Variants in APLP2 observed in about 807,000 individuals in gnomAD.
APLP2 encodes the protein amyloid beta precursor like protein 2.
APLP2 carries 53 observed loss-of-function variants against 89.9 expected under a neutral mutation model. The observed-to-expected ratio is 0.59, with a 90% CI of 0.47 to 0.74. APLP2 has a LOEUF of 0.74. APLP2 is among the 30% of genes least tolerant of loss of function. The pLI is 0.00. For synonymous variants in APLP2, 372 were observed against 348.6 expected (o/e 1.07, Z -0.75); for missense variants, 973 against 975.9 (o/e 1.00, Z 0.04).
chr11:130,095,464 A>G (rs1946070493), intron 1 of APLP2, among the ~76,000 whole-genome samples: 1 of 152,234 alleles, frequency 6.6e-6, no homozygotes, highest in Admixed American at 6.5e-5. Flanking sequence ...AGAATTAAAA[A>G]CATTGGAGGA....
chr11:130,111,542 G>A (rs992515792), intron 3 of APLP2, among the ~76,000 whole-genome samples: 1 of 152,184 alleles, frequency 6.6e-6, no homozygotes, highest in African/African-American at 2.4e-5. Context: ...TCTGATGGCA[G>A]CAAAATGGAA....
intron 3 of APLP2, among the ~76,000 whole-genome samples, chr11:130,119,496 C>CCAT (rs1279176221): frequency 6.6e-6 from 1 of 152,222 alleles, no homozygotes; most frequent in South Asian, 2.1e-4. Context: ...TTTGTAACCA[C>CCAT]CATCAGTTCA....
At chr11:130,131,732 T>C (rs1950957860) in intron 11 of APLP2, among the ~76,000 whole-genome samples, 1 of 152,210 alleles carries the variant, frequency 6.6e-6, no homozygotes, top group Non-Finnish European at 1.5e-5. Flanking sequence ...GCCAGTTTTG[T>C]GTGAGAGTAG....
At chr11:130,081,629 C>G (rs1943168459) in intron 1 of APLP2, among the ~76,000 whole-genome samples, 1 of 152,042 alleles carries the variant, frequency 6.6e-6, no homozygotes, top group Non-Finnish European at 1.5e-5. Flanking sequence ...GGGTGTTTTC[C>G]CCCCTAAAAC....
Position 130,069,916 on chromosome 11 carries a change from G to A in APLP2, c.-62G>A. On this transcript the variant is annotated 5_prime_UTR_variant, in exon 1 of 17. Coordinates refer to ENST00000338167, the MANE Select transcript of APLP2 (RefSeq NM_001142276.2). ...TTTAGATGCTTCTGGGTCGCGGTGT[G>A]CTAAGCGAGGAGTCCGAGTGTGTGA... 7 of 1,287,844 alleles carry A rather than the reference G, an allele frequency of 5.4e-6. No homozygotes were observed. The highest frequency in any genetic ancestry group is 7.4e-6 in the Non-Finnish European group (7 of 942,798). The allele number at this position is 1,287,844 out of a possible 1,614,324, so 79.8% of individuals were successfully genotyped here.
Position 130,121,798 on chromosome 11 carries a change from A to G in APLP2, c.701A>G (p.Asp234Gly). Residue 234 changes from aspartate to glycine, a missense_variant, in exon 5 of 17, where the codon GAT becomes GGT. Coordinates refer to ENST00000338167, the MANE Select transcript of APLP2 (RefSeq NM_001142276.2). ...EEEEDEEEDYDVYKSEFPTEA... is the reference protein window; with the variant it reads ...EEEEDEEEDYGVYKSEFPTEA... ...GAGGAAGATGAAGAGGAAGACTATG[A>G]TGTTTATAAAAGGTAACTCTTCTAC... 6.2e-7 allele frequency: 1 copy of G among 1,611,548 alleles called. No individual in the cohort carries two copies. Among genetic ancestry groups the G allele is most frequent in the Non-Finnish European group, 8.5e-7 (1 of 1,179,950 alleles).
chr11:130,120,832 G>C lies in APLP2; in HGVS notation c.516+14G>C, dbSNP rs756588872. ...GTAGTCAAAGAGGTAAGAGAACTCG[G>C]GGGGAAAGTCAGCTGCTGTTGTATC... On this transcript the variant is annotated intron_variant, in intron 4 of 16. Transcript: ENST00000338167. 3 of 1,584,334 alleles carry C rather than the reference G, an allele frequency of 1.9e-6. No individual in the cohort carries two copies. The highest frequency in any genetic ancestry group is 1.7e-4 in the Middle Eastern group (1 of 5,998).
chr11:130,071,038 C>T (rs983907787), intron 1 of APLP2, among the ~76,000 whole-genome samples: 3 of 152,230 alleles, frequency 2.0e-5, no homozygotes, highest in Non-Finnish European at 1.5e-5. Context: ...TCTTTACTTC[C>T]CTTCTCGAAG....
intron 1 of APLP2, chr11:130,109,170 C>T (rs1378844995): frequency 4.5e-6 from 1 of 220,124 alleles, no homozygotes; most frequent in East Asian, 1.0e-4. Flanking sequence ...GCACGTTGTG[C>T]ACATGTTCCC....
At chr11:130,104,206 CTTTTTTT>C (rs59598831) in intron 1 of APLP2, among the ~76,000 whole-genome samples, 4 of 76,988 alleles carry the variant, frequency 5.2e-5, no homozygotes, top group African/African-American at 1.3e-4. Context: ...TGGTACACAT[CTTTTTTT>C]TTTTTTTTTT....
intron 7 of APLP2, among the ~76,000 whole-genome samples, chr11:130,124,358 A>G (rs759924250): frequency 2.1e-4 from 32 of 152,268 alleles, no homozygotes; most frequent in Admixed American, 2.6e-4. Context: ...ATATTTTGCA[A>G]CCGGGTCACA....
In APLP2 at chr11:130,141,365, G is replaced by A. The variant is rs1336331551; in HGVS notation, c.1924-133G>A. ...GGATTTGGAAGGCTGTGACAGAACT[G>A]GTTGGTTAATGGGGGTCCCACAGGT... On this transcript the variant is annotated intron_variant, in intron 14 of 16. Coordinates refer to ENST00000338167, the MANE Select transcript of APLP2 (RefSeq NM_001142276.2). This position sits in a 1 kb window ranked among gnomAD's most constrained non-coding sequence, Gnocchi z 4.2. The A allele has an allele frequency of 7.2e-6, 5 of 690,510 alleles. No homozygotes were observed. Among genetic ancestry groups the A allele is most frequent in the African/African-American group, 1.8e-5 (1 of 56,468 alleles). The allele number at this position is 690,510 out of a possible 1,614,324, so 42.8% of individuals were successfully genotyped here.
chr11:130,085,938 A>G (rs1358872103), intron 1 of APLP2, among the ~76,000 whole-genome samples: 1 of 152,210 alleles, frequency 6.6e-6, no homozygotes, highest in Non-Finnish European at 1.5e-5. Context: ...TTGTTCATTC[A>G]TCTGTTAATG....
chr11:130,120,838 A>G lies in APLP2; in HGVS notation c.516+20A>G, dbSNP rs773695412. The G allele has an allele frequency of 2.6e-6, 4 of 1,550,408 alleles. No homozygotes were observed. In the South Asian group the frequency reaches 3.3e-5, roughly 13 times the overall value. On this transcript the variant is annotated intron_variant, in intron 4 of 16. Transcript: ENST00000338167. ...AAAGAGGTAAGAGAACTCGGGGGGAAAGTCAGCTGCTGTTGTATCTGTTAG... is the reference window on the plus strand; with the variant it reads ...AAAGAGGTAAGAGAACTCGGGGGGAGAGTCAGCTGCTGTTGTATCTGTTAG...
chr11:130,135,795 C>A, intron 13 of APLP2, 80 bp downstream of exon 13: 2 of 1,540,574 alleles, frequency 1.3e-6, no homozygotes, highest in South Asian at 1.2e-5. Flanking sequence ...TTTCGAAAAC[C>A]AAATTGAGTT....
At position 130,141,399 on chromosome 11, in the gene APLP2, C is replaced by T; in HGVS notation, c.1924-99C>T. 1 of 989,846 alleles carries T rather than the reference C, an allele frequency of 1.0e-6. No homozygotes were observed. Among genetic ancestry groups the T allele is most frequent in the South Asian group, 1.4e-5 (1 of 70,124 alleles). 61.3% of individuals were successfully genotyped at this position (989,846 alleles called of 1,614,324 possible). A position where few individuals can be genotyped will look rare whatever the true frequency, so the allele number is the denominator to read the frequency against. On this transcript the variant is annotated intron_variant, in intron 14 of 16. Transcript: ENST00000338167. This position sits in a 1 kb window ranked among gnomAD's most constrained non-coding sequence, Gnocchi z 4.2. ...ATGGGGGTCCCACAGGTACCTGCTT[C>T]CTTCCATCAAGCAGCAGGTAGCAGA...
intron 1 of APLP2, among the ~76,000 whole-genome samples, chr11:130,100,783 T>C (rs1469481417): frequency 2.6e-5 from 4 of 152,246 alleles, no homozygotes; most frequent in Non-Finnish European, 5.9e-5. Context: ...CTTTTTACAC[T>C]TGGAGTTTTC....
In APLP2 at chr11:130,092,538, A is replaced by G. The variant is rs1452709629; in HGVS notation, c.106-16891A>G. ...GGCTGGAGACCGGCCCGGCCAACAC[A>G]GCGAAACCCCGTCTCCACCAAAACC... On this transcript the variant is annotated intron_variant, in intron 1 of 16. Transcript: ENST00000338167. Among the ~76,000 whole-genome samples the G allele has an allele frequency of 6.2e-5, 9 of 145,440 alleles. 1 individual carries two copies. The highest frequency in any genetic ancestry group is 1.6e-4 in the African/African-American group (6 of 37,948).
intron 1 of APLP2, among the ~76,000 whole-genome samples, chr11:130,076,607 C>A (rs56232440): frequency 0.12 from 17,839 of 152,052 alleles, 1,386 homozygotes; most frequent in East Asian, 0.25. Flanking sequence ...CAGAAAAAAA[C>A]TACTTCGTGT....
Sources: allele counts gnomAD v4.1 joint callset (sites outside exome capture counted in the v4.1 genomes callset), GRCh38; gene constraint gnomAD v4.1.1; non-coding constraint Gnocchi (gnomAD v3.1); transcripts MANE v1.5; gene names NCBI Gene and HGNC (gene_info 2026-07-23, HGNC 2026-07-21).